RPSA2: variants seen among roughly 807,000 people sequenced by gnomAD.
RPSA2 encodes small ribosomal subunit protein uS2B.
the RPSA2 span, among the ~76,000 whole-genome samples, chr19:23,783,309 G>A: frequency 3.3e-5 from 5 of 151,944 alleles, no homozygotes; most frequent in African/African-American, 1.2e-4. Flanking sequence ...TGGTCAGGCT[G>A]TTCTCAAACT....
chr19:23,771,304 T>C, the RPSA2 span, among the ~76,000 whole-genome samples: 1 of 152,214 alleles, frequency 6.6e-6, no homozygotes, highest in South Asian at 2.1e-4. Flanking sequence ...TCAGTGTCTC[T>C]GAGACCAAGA....
the RPSA2 span, among the ~76,000 whole-genome samples, chr19:23,850,953 A>G: frequency 2.0e-5 from 3 of 152,130 alleles, no homozygotes; most frequent in East Asian, 1.9e-4. Flanking sequence ...ATTGTAAGGG[A>G]TTCTGGTAAT....
At chr19:23,833,401 T>A in the RPSA2 span, 7 of 170,980 alleles carry the variant, frequency 4.1e-5, no homozygotes, top group Non-Finnish European at 7.3e-5. Flanking sequence ...CTGAAAGATG[T>A]GCCAATGCTT....
At chr19:23,800,495 A>G in the RPSA2 span, among the ~76,000 whole-genome samples, 147,173 of 152,312 alleles carry the variant, frequency 0.97, 71,332 homozygotes, top group East Asian at 1. Context: ...GCCAACTCAC[A>G]GTTATGCTGT....
the RPSA2 span, among the ~76,000 whole-genome samples, chr19:23,852,133 T>A: frequency 6.6e-6 from 1 of 152,176 alleles, no homozygotes; most frequent in Non-Finnish European, 1.5e-5. Flanking sequence ...CCTAGACAAC[T>A]GGGCAGTTTG....
chr19:23,865,369 C>T, the RPSA2 span, among the ~76,000 whole-genome samples: 1 of 152,138 alleles, frequency 6.6e-6, no homozygotes, highest in African/African-American at 2.4e-5. Flanking sequence ...CCATTGTTTC[C>T]ACAGGCAGGC....
At chr19:23,796,274 T>G in the RPSA2 span, among the ~76,000 whole-genome samples, 1 of 152,238 alleles carries the variant, frequency 6.6e-6, no homozygotes, top group Admixed American at 6.5e-5. Flanking sequence ...TTTATTGATT[T>G]GATTTGTGTA....
the RPSA2 span, among the ~76,000 whole-genome samples, chr19:23,845,273 ATGT>A: frequency 0.048 from 6,884 of 143,146 alleles, 323 homozygotes; most frequent in South Asian, 0.079. Flanking sequence ...GTTCTGATTT[ATGT>A]TTTTTTTTTC....
chr19:23,827,676 G>T, the RPSA2 span: 1 of 1,595,588 alleles, frequency 6.3e-7, no homozygotes, highest in Admixed American at 1.7e-5. Flanking sequence ...CACTCAGTGG[G>T]TTTGATGTGG....
the RPSA2 span, among the ~76,000 whole-genome samples, chr19:23,798,739 C>T: frequency 3.3e-5 from 5 of 152,180 alleles, 1 homozygote; most frequent in East Asian, 9.6e-4. Flanking sequence ...ATTAATTTAA[C>T]CAATAGAGAT....
the RPSA2 span, among the ~76,000 whole-genome samples, chr19:23,834,720 G>A: frequency 6.6e-6 from 1 of 151,916 alleles, no homozygotes; most frequent in South Asian, 2.1e-4. Context: ...ATACTATCAT[G>A]AATCCATTGA....
the RPSA2 span, among the ~76,000 whole-genome samples, chr19:23,854,652 C>T: frequency 1.3e-5 from 2 of 152,190 alleles, no homozygotes; most frequent in Non-Finnish European, 2.9e-5. Context: ...GTAGCAGCAG[C>T]ATTTGGCTGT....
chr19:23,822,331 G>A, the RPSA2 span, among the ~76,000 whole-genome samples: 1 of 152,188 alleles, frequency 6.6e-6, no homozygotes, highest in African/African-American at 2.4e-5. Flanking sequence ...GTGCCTTCAG[G>A]CACACTGGCT....
chr19:23,844,137 T>G, the RPSA2 span, among the ~76,000 whole-genome samples: 1 of 152,214 alleles, frequency 6.6e-6, no homozygotes, highest in Non-Finnish European at 1.5e-5. Flanking sequence ...TGTAATTGCC[T>G]GTTTGTGGGG....
the RPSA2 span, among the ~76,000 whole-genome samples, chr19:23,851,707 A>C: frequency 6.6e-6 from 1 of 152,216 alleles, no homozygotes; most frequent in Non-Finnish European, 1.5e-5. Flanking sequence ...TGTAGGACCC[A>C]CATAACCAGC....
the RPSA2 span, among the ~76,000 whole-genome samples, chr19:23,798,258 A>G: frequency 1.3e-5 from 2 of 152,236 alleles, no homozygotes; most frequent in Non-Finnish European, 2.9e-5. Flanking sequence ...AATTATAAGG[A>G]CTAAAAGATA....
the RPSA2 span, among the ~76,000 whole-genome samples, chr19:23,797,449 T>G: frequency 0.98 from 148,949 of 152,280 alleles, 72,939 homozygotes; most frequent in Middle Eastern, 1. Context: ...AAGAACTTCT[T>G]GGTTTTTGCC....
the RPSA2 span, among the ~76,000 whole-genome samples, chr19:23,829,436 A>G: frequency 6.6e-6 from 1 of 152,022 alleles, no homozygotes; most frequent in Non-Finnish European, 1.5e-5. Context: ...TGAGTAGCTG[A>G]GATTACAGGC....
the RPSA2 span, among the ~76,000 whole-genome samples, chr19:23,791,715 T>C: frequency 6.6e-6 from 1 of 152,128 alleles, no homozygotes. Context: ...GTGTACATTT[T>C]TATATTATTT....
Sources: gnomAD v4.1 joint callset for allele counts (sites outside exome capture counted in the v4.1 genomes callset) on GRCh38, gnomAD v4.1.1 for gene constraint, MANE v1.5 for transcripts, NCBI Gene and HGNC (gene_info 2026-07-23, HGNC 2026-07-21) for gene names.